Variants in SLC24A4 observed in about 807,000 individuals in gnomAD.
The protein encoded by SLC24A4 is solute carrier family 24 member 4, also known as sodium/potassium/calcium exchanger 4.
Under a neutral mutation model 79.0 loss-of-function variants are expected in SLC24A4, and 53 were observed. The ratio of observed to expected loss-of-function variants is 0.67; its 90% CI spans 0.54 to 0.84. The LOEUF (loss-of-function observed/expected upper bound fraction) is 0.84, where lower values mean the gene tolerates loss of function less well. SLC24A4 is among the 40% of genes least tolerant of loss of function. The pLI is 0.00. For synonymous variants in SLC24A4, 323 were observed against 323.8 expected, an observed-to-expected ratio of 1.00 and a Z score of 0.03; for missense variants, 731 against 822.0, an observed-to-expected ratio of 0.89 and a Z score of 1.35.
chr14:92,445,377 T>A, intron 8 of SLC24A4, 35 bp downstream of exon 8: 2 of 1,608,574 alleles, frequency 1.2e-6, no homozygotes, highest in Non-Finnish European at 1.7e-6. Context: ...ATTGTTCTTT[T>A]TTGTTGTTGT....
intron 6 of SLC24A4, 49 bp downstream of exon 6, chr14:92,442,865 G>C: frequency 6.9e-7 from 1 of 1,450,278 alleles, no homozygotes; most frequent in Non-Finnish European, 9.7e-7. Context: ...TGAAGCGTGG[G>C]GGATGAGCCT....
intron 12 of SLC24A4, among the ~76,000 whole-genome samples, chr14:92,473,048 G>A (rs1229690926): frequency 2.0e-5 from 3 of 152,090 alleles, no homozygotes; most frequent in Admixed American, 6.5e-5. Flanking sequence ...GGCCCCATGC[G>A]GCACACCCTG....
At chr14:92,475,267 G>A (rs1324178691) in intron 12 of SLC24A4, among the ~76,000 whole-genome samples, 2 of 152,104 alleles carry the variant, frequency 1.3e-5, no homozygotes, top group Non-Finnish European at 1.5e-5. Context: ...TGGGCACTGC[G>A]CTTCAAAATG....
intron 15 of SLC24A4, 24 bp downstream of exon 15, chr14:92,491,801 G>T (rs377487907): frequency 7.1e-5 from 112 of 1,567,654 alleles, no homozygotes; most frequent in Non-Finnish European, 9.6e-5. Context: ...ACCTTTAACA[G>T]ATGTGTTTTA....
At chr14:92,415,960 C>T (rs1311813480) in intron 2 of SLC24A4, among the ~76,000 whole-genome samples, 1 of 152,144 alleles carries the variant, frequency 6.6e-6, no homozygotes, top group African/African-American at 2.4e-5. Context: ...CATCCTTATG[C>T]CTTTGCAACC....
chr14:92,370,222 A>G (rs1217421412), intron 2 of SLC24A4, among the ~76,000 whole-genome samples: 4 of 152,230 alleles, frequency 2.6e-5, no homozygotes, highest in Non-Finnish European at 5.9e-5. Flanking sequence ...AAGGATTGAG[A>G]TAAAATAGAG....
intron 10 of SLC24A4, among the ~76,000 whole-genome samples, chr14:92,449,430 G>A (rs1452190705): frequency 6.6e-6 from 1 of 152,132 alleles, no homozygotes; most frequent in Non-Finnish European, 1.5e-5. Flanking sequence ...GCTTAGGTGG[G>A]GCAGGGGTGG....
At chr14:92,379,625 G>A (rs1433055894) in intron 2 of SLC24A4, among the ~76,000 whole-genome samples, 3 of 152,106 alleles carry the variant, frequency 2.0e-5, no homozygotes, top group South Asian at 4.2e-4. Flanking sequence ...GCCCTTGCCT[G>A]AAGGGCATGG....
At chr14:92,375,712 G>A (rs558017301) in intron 2 of SLC24A4, among the ~76,000 whole-genome samples, 16 of 152,314 alleles carry the variant, frequency 1.1e-4, no homozygotes, top group African/African-American at 2.2e-4. Flanking sequence ...GACAAAGGCC[G>A]CATACCGTAT....
At chr14:92,359,914 G>A (rs1189521887) in intron 2 of SLC24A4, among the ~76,000 whole-genome samples, 3 of 152,166 alleles carry the variant, frequency 2.0e-5, no homozygotes, top group East Asian at 1.9e-4. Flanking sequence ...ACACACTTAC[G>A]TTTTTGTGTT....
intron 2 of SLC24A4, among the ~76,000 whole-genome samples, chr14:92,418,891 A>G (rs1891130228): frequency 6.6e-6 from 1 of 152,090 alleles, no homozygotes; most frequent in Non-Finnish European, 1.5e-5. Context: ...TAGTAGAGGC[A>G]GGGTTTTGCC....
intron 12 of SLC24A4, among the ~76,000 whole-genome samples, chr14:92,482,039 G>A (rs895912665): frequency 6.6e-5 from 10 of 152,198 alleles, no homozygotes; most frequent in Non-Finnish European, 5.9e-5. Context: ...CACCAGTCTT[G>A]ACTACATGAC....
In SLC24A4 at chr14:92,496,701, T is replaced by A. The variant is rs962476827; in HGVS notation, c.*3073T>A. 7 of 152,250 alleles carry A rather than the reference T, an allele frequency of 4.6e-5. No individual in the cohort carries two copies. Among genetic ancestry groups the A allele is most frequent in the Non-Finnish European group, 7.3e-5 (5 of 68,080 alleles). 9.4% of individuals were successfully genotyped at this position (152,250 alleles called of 1,614,324 possible). On this transcript the variant is annotated 3_prime_UTR_variant, in exon 17 of 17. Coordinates refer to ENST00000532405, the MANE Select transcript of SLC24A4 (RefSeq NM_153646.4). ...CGTGGGCAGGACACAGTCCTCGCCT[T>A]ACCCACCCCATCCTTCCTGTTACCC...
At chr14:92,450,041 G>A (rs752896900) in intron 10 of SLC24A4, among the ~76,000 whole-genome samples, 2 of 152,240 alleles carry the variant, frequency 1.3e-5, no homozygotes, top group Admixed American at 6.5e-5. Flanking sequence ...GAGAGCAGGG[G>A]CTGGTTCTTG....
intron 2 of SLC24A4, among the ~76,000 whole-genome samples, chr14:92,367,501 C>G (rs1258106547): frequency 1.3e-5 from 2 of 152,168 alleles, no homozygotes; most frequent in African/African-American, 4.8e-5. Context: ...AGGTTGGTCT[C>G]CGGCCTACCT....
At chr14:92,344,839 G>A (rs892237235) in intron 2 of SLC24A4, among the ~76,000 whole-genome samples, 6 of 152,236 alleles carry the variant, frequency 3.9e-5, no homozygotes, top group African/African-American at 1.4e-4. Flanking sequence ...CAGGGAGGGC[G>A]GGATGGAGCC....
At chr14:92,412,701 A>AT (rs1890786863) in intron 2 of SLC24A4, among the ~76,000 whole-genome samples, 1 of 151,686 alleles carries the variant, frequency 6.6e-6, no homozygotes, top group Admixed American at 6.6e-5. Context: ...TCTCTACATC[A>AT]TCCCCTCCTC....
intron 2 of SLC24A4, among the ~76,000 whole-genome samples, chr14:92,419,610 T>C (rs911390120): frequency 6.6e-6 from 1 of 152,230 alleles, no homozygotes; most frequent in Admixed American, 6.5e-5. Flanking sequence ...ATCCAAACTG[T>C]GACACTTTTG....
At chr14:92,333,139 G>A (rs1033545895) in intron 2 of SLC24A4, among the ~76,000 whole-genome samples, 2 of 152,134 alleles carry the variant, frequency 1.3e-5, no homozygotes, top group African/African-American at 4.8e-5. Flanking sequence ...CCTCACCCAG[G>A]TTAGAGTGCG....
Sources: allele counts gnomAD v4.1 joint callset (sites outside exome capture counted in the v4.1 genomes callset), GRCh38; gene constraint gnomAD v4.1.1; transcripts MANE v1.5; gene names NCBI Gene and HGNC (gene_info 2026-07-23, HGNC 2026-07-21).